Variants in DRAM2 observed in about 807,000 individuals in gnomAD.
The protein encoded by DRAM2 is DNA damage regulated autophagy modulator 2, also known as DNA damage-regulated autophagy modulator protein 2.
A neutral mutation model predicts 33.5 loss-of-function variants in DRAM2; 26 were observed. The ratio of observed to expected loss-of-function variants is 0.78; its 90% CI spans 0.57 to 1.08. The LOEUF (loss-of-function observed/expected upper bound fraction) is 1.08, where lower values mean the gene tolerates loss of function less well. Ranked by LOEUF, DRAM2 falls within the 50% of genes least tolerant of loss-of-function variation. The probability of loss-of-function intolerance (pLI) is 0.00; values close to 1 mark genes in which losing one functional copy is unlikely to be tolerated. For missense variants in DRAM2, 311 were observed against 318.1 expected (o/e 0.98, Z 0.17); for synonymous variants, 98 against 109.5 (o/e 0.89, Z 0.66).
chr1:111,123,635 TC>T (rs1439948754), intron 6 of DRAM2, among the ~76,000 whole-genome samples: 1 of 152,050 alleles, frequency 6.6e-6, no homozygotes, highest in Non-Finnish European at 1.5e-5. Context: ...ATTTGACCCC[TC>T]CAAATCTCAA....
Position 111,126,244 on chromosome 1 carries a change from T to G in DRAM2, c.182A>C (p.Asn61Thr), listed in dbSNP as rs1310093729. The part of the protein sequence containing the change: ...PEKCLFGAML[N>T]IAAVLCIATI... ...TTACTTACATAAAACTGCCGCAATA[T>G]TTAGCATTGCCCCAAATAAGCATTT... Residue 61 changes from asparagine (N) to threonine (T), a missense_variant, in exon 5 of 10, where the codon AAT becomes ACT. By Grantham distance (65) the Asn-to-Thr change is moderately conservative (BLOSUM62 0). Coordinates refer to ENST00000484310, the MANE Select transcript of DRAM2 (RefSeq NM_001349884.2). 1 of 1,610,700 alleles carries G rather than the reference T, an allele frequency of 6.2e-7. No homozygotes were observed. The highest frequency in any genetic ancestry group is 1.1e-5 in the South Asian group (1 of 90,858).
At chr1:111,124,517 TA>T (rs1030392077) in intron 6 of DRAM2, among the ~76,000 whole-genome samples, 4 of 152,212 alleles carry the variant, frequency 2.6e-5, no homozygotes, top group African/African-American at 7.2e-5. Flanking sequence ...CTGTGGATCC[TA>T]AAAAAGTTAA....
chr1:111,131,359 A>T (rs1652032374), intron 4 of DRAM2, 65 bp downstream of exon 4: 1 of 1,446,704 alleles, frequency 6.9e-7, no homozygotes, highest in Non-Finnish European at 9.4e-7. Context: ...TTAAATGTTG[A>T]CTTCAATGTT....
rs1649317190 is a variant in DRAM2 at position 111,118,265 on chromosome 1, T to C, written c.696A>G (p.Lys232=). Reference sequence around the variant, plus strand: ...AATTGGCTTCCACCCGTAAAGAAATTTTCTGGAACAGAAAAGAAAATTATA... The same window carrying C: ...AATTGGCTTCCACCCGTAAAGAAATCTTCTGGAACAGAAAAGAAAATTATA... The part of the protein sequence containing the change: ...FFLTYIRDFQ[K]ISLRVEANLH... The change falls in exon 10 of 10, where the codon AAA becomes AAG. Residue 232 remains lysine, a splice_region_variant and synonymous_variant. Coordinates refer to ENST00000484310, the MANE Select transcript of DRAM2 (RefSeq NM_001349884.2). The C allele has an allele frequency of 6.2e-7, 1 of 1,609,430 alleles. No individual in the cohort carries two copies. Among genetic ancestry groups the C allele is most frequent in the Admixed American group, 1.7e-5 (1 of 59,328 alleles).
chr1:111,134,843 A>G (rs990369230), intron 3 of DRAM2, among the ~76,000 whole-genome samples: 24 of 152,028 alleles, frequency 1.6e-4, no homozygotes, highest in Non-Finnish European at 2.9e-5. Flanking sequence ...GTGAGTCATT[A>G]CAGAGAGGAT....
rs1049951388 is a variant in DRAM2 at position 111,139,514 on chromosome 1, A to T, written c.-92T>A. 1.3e-5 allele frequency: 2 copies of T among 152,236 alleles called. No homozygotes were observed. The highest frequency in any genetic ancestry group is 2.9e-5 in the Non-Finnish European group (2 of 68,070). The allele number at this position is 152,236 out of a possible 1,614,324, so 9.4% of individuals were successfully genotyped here. A position where few individuals can be genotyped will look rare whatever the true frequency, so the allele number is the denominator to read the frequency against. The stretch of plus-strand genomic sequence containing the variant: ...CCCAGAACTCACAACAGGAACGTGT[A>T]CTCAACAGGAACGTGTACTCAATTA... On this transcript the variant is annotated 5_prime_UTR_variant, in exon 2 of 10. Transcript: ENST00000484310.
chr1:111,131,600 A>T, intron 3 of DRAM2, 32 bp from the exon 4 acceptor site: 1 of 1,609,514 alleles, frequency 6.2e-7, no homozygotes, highest in Non-Finnish European at 8.5e-7. Context: ...AGAAAAGATA[A>T]TTCACAAGAG....
In DRAM2 at chr1:111,118,798, T is replaced by C. The variant is rs1306292894; in HGVS notation, c.693+7A>G. ...GACTGAATAAATCTAATATTGTGCC[T>C]TCTTACCTGAAAATCACGAATGTAA... On this transcript the variant is annotated splice_region_variant and intron_variant, in intron 9 of 9. Coordinates refer to ENST00000484310, the MANE Select transcript of DRAM2 (RefSeq NM_001349884.2). The C allele has an allele frequency of 6.3e-7, 1 of 1,597,600 alleles. No homozygotes were observed.
chr1:111,136,198 CT>C (rs1003608328), intron 3 of DRAM2, among the ~76,000 whole-genome samples: 1 of 151,702 alleles, frequency 6.6e-6, no homozygotes, highest in African/African-American at 2.4e-5. Flanking sequence ...CTGCTCAAAA[CT>C]TTTTTTTTAA....
At chr1:111,135,022 C>T (rs868323592) in intron 3 of DRAM2, among the ~76,000 whole-genome samples, 2 of 152,158 alleles carry the variant, frequency 1.3e-5, no homozygotes, top group Admixed American at 1.3e-4. Flanking sequence ...TTTATTCCCC[C>T]ACCTGGAGCT....
At chr1:111,131,589 T>A (rs750617711) in intron 3 of DRAM2, 21 bp from the exon 4 acceptor site, 1 of 1,612,060 alleles carries the variant, frequency 6.2e-7, no homozygotes, top group East Asian at 2.2e-5. Flanking sequence ...GAAAACATAT[T>A]AGAAAAGATA....
intron 5 of DRAM2, among the ~76,000 whole-genome samples, chr1:111,125,892 C>T (rs1233551915): frequency 1.3e-5 from 2 of 152,074 alleles, no homozygotes; most frequent in Admixed American, 6.6e-5. Flanking sequence ...TTAGGATTAG[C>T]GGTGGTCAGC....
At chr1:111,136,584 C>G (rs75031882) in intron 3 of DRAM2, among the ~76,000 whole-genome samples, 1 of 147,024 alleles carries the variant, frequency 6.8e-6, no homozygotes, top group Admixed American at 6.8e-5. Context: ...GACTCCATCT[C>G]AAAAACAAAA....
At position 111,118,955 on chromosome 1, in the gene DRAM2, C is replaced by T. The variant is rs1649459162; in HGVS notation, c.601-58G>A. 6 of 1,162,928 alleles carry T rather than the reference C, an allele frequency of 5.2e-6. No homozygotes were observed. In the East Asian group the frequency reaches 1.7e-4, roughly 34 times the overall value. The allele number at this position is 1,162,928 out of a possible 1,614,324, so 72.0% of individuals were successfully genotyped here. ...AAATTTCATTTAAACGATCTATATA[C>T]TATGTTTCAAATAAAAAACACACAA... On this transcript the variant is annotated intron_variant, in intron 8 of 9. Transcript: ENST00000484310.
chr1:111,120,427 A>AT, intron 7 of DRAM2, 89 bp downstream of exon 7: 1 of 336,580 alleles, frequency 3.0e-6, no homozygotes, highest in Non-Finnish European at 5.0e-6. Context: ...AAAGACAAAA[A>AT]GGCTTCTTAT....
chr1:111,118,370 AT>A, intron 9 of DRAM2, 103 bp from the exon 10 acceptor site: 2 of 740,274 alleles, frequency 2.7e-6, no homozygotes, highest in African/African-American at 3.6e-5. Context: ...ATGTAAATCA[AT>A]TCTAATGGTA....
intron 8 of DRAM2, 36 bp from the exon 9 acceptor site, chr1:111,118,933 T>G (rs1649453468): frequency 6.8e-7 from 1 of 1,460,370 alleles, no homozygotes; most frequent in East Asian, 2.4e-5. Context: ...TTTTGTGAAA[T>G]TTCATTTAAA....
chr1:111,134,095 T>G (rs1399040753), intron 3 of DRAM2, among the ~76,000 whole-genome samples: 2 of 152,184 alleles, frequency 1.3e-5, no homozygotes, highest in African/African-American at 4.8e-5. Flanking sequence ...CTAAATACAC[T>G]CATACCCCAC....
intron 4 of DRAM2, among the ~76,000 whole-genome samples, chr1:111,127,137 A>C (rs944103650): frequency 6.6e-6 from 1 of 152,312 alleles, no homozygotes; most frequent in Non-Finnish European, 1.5e-5. Context: ...GATGAAATGT[A>C]ATGGTAATGC....
Sources: allele counts gnomAD v4.1 joint callset (sites outside exome capture counted in the v4.1 genomes callset), GRCh38; gene constraint gnomAD v4.1.1; transcripts MANE v1.5; gene names NCBI Gene and HGNC (gene_info 2026-07-23, HGNC 2026-07-21).